The following CNOT7 variants were observed in gnomAD, a reference collection of about 807,000 sequenced individuals.
CNOT7 encodes the protein BTG1-binding factor 1.
Under a neutral mutation model 37.1 loss-of-function variants are expected in CNOT7, and 4 were observed. The ratio of observed to expected loss-of-function variants is 0.11; its 90% CI spans 0.05 to 0.25. CNOT7 has a LOEUF of 0.25. CNOT7 is among the 10% of genes least tolerant of loss of function. CNOT7 has a pLI of 1.00. For synonymous variants in CNOT7, 128 were observed against 115.6 expected (o/e 1.11, Z -0.69); for missense variants, 170 against 336.2 (o/e 0.51, Z 3.87).
rs1808119208 is a variant in CNOT7 at position 17,225,877 on chromosome 8, T to C, written c.*4843A>G. On this transcript the variant is annotated 3_prime_UTR_variant, in exon 7 of 7. Coordinates refer to ENST00000361272, the MANE Select transcript of CNOT7 (RefSeq NM_013354.7). ...TTATTTATAAATTCTAACACATTTA[T>C]TTTATAGACATGAGATAACATATGC... 1 of 151,618 alleles carries C rather than the reference T, an allele frequency of 6.6e-6. No individual in the cohort carries two copies. The highest frequency in any genetic ancestry group is 2.4e-5 in the African/African-American group (1 of 41,376). The allele number at this position is 151,618 out of a possible 1,614,324, so 9.4% of individuals were successfully genotyped here.
Position 17,231,758 on chromosome 8 carries a change from T to C in CNOT7, c.729+669A>G, listed in dbSNP as rs1405142537. 5 of 985,472 alleles carry C rather than the reference T, an allele frequency of 5.1e-6. No individual in the cohort carries two copies. In the Admixed American group the frequency reaches 1.8e-4, roughly 36 times the overall value. The allele number at this position is 985,472 out of a possible 1,614,324, so 61.0% of individuals were successfully genotyped here. On this transcript the variant is annotated intron_variant, in intron 6 of 6. Transcript: ENST00000361272. ...TACTTAGGAGTAGATAATGGGTTCA[T>C]TTAGTTTCATTCTTCCATCCCTAAC...
intron 3 of CNOT7, chr8:17,242,112 G>A (rs1200414296): frequency 1.3e-5 from 2 of 152,176 alleles, no homozygotes; most frequent in Non-Finnish European, 2.9e-5. Flanking sequence ...ACAGCCTTGG[G>A]ATGTGGGAGG....
chr8:17,231,722 C>T (rs1808642989), intron 6 of CNOT7: 3 of 985,278 alleles, frequency 3.0e-6, no homozygotes, highest in African/African-American at 3.5e-5. Flanking sequence ...TATCTGTGCA[C>T]ATCACTTAAT....
chr8:17,230,988 C>T (rs888262872), intron 6 of CNOT7, 140 bp from the exon 7 acceptor site: 31 of 576,924 alleles, frequency 5.4e-5, no homozygotes, highest in East Asian at 1.2e-4. Context: ...TTTGAGGCTA[C>T]GCATTTCAGT....
intron 4 of CNOT7, among the ~76,000 whole-genome samples, chr8:17,236,842 T>C (rs537629414): frequency 9.9e-5 from 15 of 152,160 alleles, no homozygotes; most frequent in Non-Finnish European, 2.1e-4. Context: ...TCAATAACGT[T>C]GTGTAAATGT....
intron 3 of CNOT7, among the ~76,000 whole-genome samples, chr8:17,239,851 C>T (rs1217551324): frequency 1.3e-5 from 2 of 152,172 alleles, no homozygotes; most frequent in Non-Finnish European, 2.9e-5. Context: ...ACATTATTTC[C>T]ACAGAATGCT....
Position 17,228,820 on chromosome 8 carries a change from AAT to A in CNOT7, c.*1898_*1899del, listed in dbSNP as rs1808326660. 2 of 151,988 alleles carry A rather than the reference AAT, an allele frequency of 1.3e-5. No individual in the cohort carries two copies. The highest frequency in any genetic ancestry group is 4.8e-5 in the African/African-American group (2 of 41,428). 9.4% of individuals were successfully genotyped at this position (151,988 alleles called of 1,614,324 possible). A position where few individuals can be genotyped will look rare whatever the true frequency, so the allele number is the denominator to read the frequency against. ...TTCTCAAATAGTTGAACAGAATTTA[AAT>A]ATTAGTTTTCTCAGCTAACAAATCA... On this transcript the variant is annotated 3_prime_UTR_variant, in exon 7 of 7. Transcript: ENST00000361272.
At position 17,225,736 on chromosome 8, in the gene CNOT7, C is replaced by T. The variant is rs966434375; in HGVS notation, c.*4984G>A. 1 of 151,554 alleles carries T rather than the reference C, an allele frequency of 6.6e-6. No individual in the cohort carries two copies. Among genetic ancestry groups the T allele is most frequent in the African/African-American group, 2.4e-5 (1 of 41,338 alleles). 9.4% of individuals were successfully genotyped at this position (151,554 alleles called of 1,614,324 possible). A position where few individuals can be genotyped will look rare whatever the true frequency, so the allele number is the denominator to read the frequency against. ...TAATAGAAAAATAAATGACAGGTAA[C>T]GTTGTTATAAAAGAAACTCTCATAT... On this transcript the variant is annotated 3_prime_UTR_variant, in exon 7 of 7. Coordinates refer to ENST00000361272, the MANE Select transcript of CNOT7 (RefSeq NM_013354.7).
chr8:17,241,264 G>A (rs1251982648), intron 3 of CNOT7: 1 of 148,018 alleles, frequency 6.8e-6, no homozygotes, highest in African/African-American at 2.4e-5. Context: ...CACCATGCCT[G>A]GCTTAGTTTC....
chr8:17,244,927 G>A (rs1810692596), intron 2 of CNOT7, 109 bp downstream of exon 2: 1 of 902,112 alleles, frequency 1.1e-6, no homozygotes, highest in Admixed American at 2.4e-5. Context: ...TACTTTTCAT[G>A]GTGAAATTAA....
At chr8:17,235,877 G>A in intron 4 of CNOT7, among the ~76,000 whole-genome samples, 1 of 152,266 alleles carries the variant, frequency 6.6e-6, no homozygotes, top group South Asian at 2.1e-4. Flanking sequence ...AAGAAGACAT[G>A]AATGAACCCT....
Position 17,245,167 on chromosome 8 carries a change from G to A in CNOT7, c.-15C>T, listed in dbSNP as rs1237326387. On this transcript the variant is annotated 5_prime_UTR_variant, in exon 2 of 7. Transcript: ENST00000361272. ...GCCGCTGGCATAGTGAGGGCACAAG[G>A]GAGTCTAGATGCCAAGCATCAAAAT... 2 of 1,598,878 alleles carry A rather than the reference G, an allele frequency of 1.3e-6. No individual in the cohort carries two copies. The highest frequency in any genetic ancestry group is 1.3e-5 in the African/African-American group (1 of 74,172).
intron 3 of CNOT7, among the ~76,000 whole-genome samples, chr8:17,238,795 T>C (rs987261962): frequency 2.6e-5 from 4 of 152,212 alleles, no homozygotes; most frequent in Non-Finnish European, 5.9e-5. Flanking sequence ...CCATACCTGC[T>C]TTACAAAGAA....
chr8:17,227,191 A>G lies in CNOT7; in HGVS notation c.*3529T>C, dbSNP rs1808217229. ...TTCACAAGCCTTAAAATTTGACCAA[A>G]TAAACTTTTTTTCTGCTTCATGCAT... On this transcript the variant is annotated 3_prime_UTR_variant, in exon 7 of 7. Transcript: ENST00000361272. 6.6e-6 allele frequency: 1 copy of G among 151,884 alleles called. No individual in the cohort carries two copies. The highest frequency in any genetic ancestry group is 6.6e-5 in the Admixed American group (1 of 15,232). The allele number at this position is 151,884 out of a possible 1,614,324, so 9.4% of individuals were successfully genotyped here.
intron 3 of CNOT7, among the ~76,000 whole-genome samples, chr8:17,238,509 C>CTTT (rs75080604): frequency 4.3e-5 from 6 of 139,400 alleles, no homozygotes; most frequent in African/African-American, 5.2e-5. Flanking sequence ...GAAGTAGTTT[C>CTTT]TTTTTTTTTT....
chr8:17,245,455 G>T (rs1810805842), intron 1 of CNOT7, among the ~76,000 whole-genome samples: 1 of 151,986 alleles, frequency 6.6e-6, no homozygotes, highest in African/African-American at 2.4e-5. Context: ...CCTAATTTCA[G>T]TTATTTTAAA....
At chr8:17,244,824 G>A (rs917666040) in intron 2 of CNOT7, 19 of 466,266 alleles carry the variant, frequency 4.1e-5, no homozygotes, top group South Asian at 2.1e-4. Flanking sequence ...GAATTCCAGT[G>A]CGTTTTCCCT....
chr8:17,245,210 A>C lies in CNOT7; in HGVS notation c.-58T>G. ...ATCAAAATGTTATACTTGATTGAAGATTTGTTTCATAAAATATTTTATCCT... is the reference window on the plus strand; with the variant it reads ...ATCAAAATGTTATACTTGATTGAAGCTTTGTTTCATAAAATATTTTATCCT... On this transcript the variant is annotated 5_prime_UTR_variant, in exon 2 of 7. Transcript: ENST00000361272. 1 of 1,515,092 alleles carries C rather than the reference A, an allele frequency of 6.6e-7. No individual in the cohort carries two copies. The highest frequency in any genetic ancestry group is 8.8e-7 in the Non-Finnish European group (1 of 1,130,790). The allele number at this position is 1,515,092 out of a possible 1,614,324, so 93.9% of individuals were successfully genotyped here. A position where few individuals can be genotyped will look rare whatever the true frequency, so the allele number is the denominator to read the frequency against.
chr8:17,234,281 GAA>G (rs763439297), intron 5 of CNOT7, among the ~76,000 whole-genome samples: 38 of 152,214 alleles, frequency 2.5e-4, no homozygotes, highest in Admixed American at 5.2e-4. Flanking sequence ...AAGCCAAAAG[GAA>G]AGAAAAACTT....
Sources: allele counts gnomAD v4.1 joint callset (sites outside exome capture counted in the v4.1 genomes callset), GRCh38; gene constraint gnomAD v4.1.1; transcripts MANE v1.5; gene names NCBI Gene and HGNC (gene_info 2026-07-23, HGNC 2026-07-21).